VPS53: variants seen among roughly 807,000 people sequenced by gnomAD.
The protein encoded by VPS53 is VPS53 subunit of GARP complex, also known as vacuolar protein sorting-associated protein 53 homolog.
A neutral mutation model predicts 107.0 loss-of-function variants in VPS53; 70 were observed. The observed-to-expected ratio is 0.65, with a 90% CI of 0.54 to 0.80. VPS53 has a LOEUF of 0.80. Ranked by LOEUF, VPS53 falls within the 30% of genes least tolerant of loss-of-function variation. VPS53 has a pLI of 0.00. For synonymous variants in VPS53, 409 were observed against 393.3 expected (o/e 1.04, Z -0.47); for missense variants, 917 against 1,049.4 (o/e 0.87, Z 1.74).
intron 4 of VPS53, among the ~76,000 whole-genome samples, chr17:695,533 T>C (rs556898132): frequency 1.3e-5 from 2 of 151,868 alleles, no homozygotes; most frequent in African/African-American, 2.4e-5. Flanking sequence ...GAATTTTGAA[T>C]GCCAAGCAAA....
intron 19 of VPS53, 196 bp downstream of exon 19, chr17:532,646 A>G (rs1005528576): frequency 1.4e-4 from 199 of 1,372,770 alleles, no homozygotes; most frequent in Non-Finnish European, 1.4e-4. Flanking sequence ...CCCAGAACTT[A>G]GTAGGCGTTC....
chr17:714,615 A>ACTTC lies in VPS53; in HGVS notation c.87+7_87+8insGAAG. On this transcript the variant is annotated splice_region_variant and intron_variant, in intron 1 of 21. Coordinates refer to ENST00000437048, the MANE Select transcript of VPS53 (RefSeq NM_001128159.3). ...CCCGTTTCCCCTCCTGAGGGGCGGA[A>ACTTC]CGCTTACCTGCTCGATGGCCAGCTG... is the stretch of plus-strand genomic sequence containing the variant. The ACTTC allele has an allele frequency of 6.2e-7, 1 of 1,609,128 alleles. No individual in the cohort carries two copies.
chr17:548,978 G>C (rs77831670), intron 17 of VPS53, among the ~76,000 whole-genome samples: 139 of 152,232 alleles, frequency 9.1e-4, no homozygotes, highest in African/African-American at 3.3e-3. Flanking sequence ...GGTGTATTTT[G>C]TACTTTTCTT....
chr17:660,196 GA>G (rs1417200929), intron 5 of VPS53, among the ~76,000 whole-genome samples: 1 of 152,198 alleles, frequency 6.6e-6, no homozygotes, highest in Non-Finnish European at 1.5e-5. Context: ...ATGCATCCTA[GA>G]ACAAGTTTCT....
intron 13 of VPS53, among the ~76,000 whole-genome samples, chr17:577,429 G>A (rs934395158): frequency 2.7e-4 from 40 of 150,354 alleles, no homozygotes; most frequent in African/African-American, 9.6e-4. Context: ...AGAACCTAAT[G>A]CGTTCCCAGA....
At chr17:620,105 G>T (rs1009312343) in intron 11 of VPS53, among the ~76,000 whole-genome samples, 1 of 152,188 alleles carries the variant, frequency 6.6e-6, no homozygotes, top group African/African-American at 2.4e-5. Flanking sequence ...AAGCAGAGAA[G>T]TATACATATT....
rs1164544666 is a variant in VPS53, at chr17:660,814, C to T, written c.372+995G>A. The stretch of plus-strand genomic sequence containing the variant: ...TAATTCTCACAACAACCCTGTGAGG[C>T]AAATGCCATTATTCTTATTTTACAG... On this transcript the variant is annotated intron_variant, in intron 5 of 21. Coordinates refer to ENST00000437048, the MANE Select transcript of VPS53 (RefSeq NM_001128159.3). Among the ~76,000 whole-genome samples the T allele has an allele frequency of 2.0e-5, 3 of 152,188 alleles. No homozygotes were observed. In the East Asian group the frequency reaches 5.8e-4, roughly 29 times the overall value.
At position 623,537 on chromosome 17, in the gene VPS53, G is replaced by T; in HGVS notation, c.1112C>A (p.Thr371Asn). Residue 371 changes from threonine (T) to asparagine (N), a missense_variant, in exon 11 of 22, where the codon ACC becomes AAC. Thr to Asn is a moderately conservative substitution (Grantham distance 65). Coordinates refer to ENST00000437048, the MANE Select transcript of VPS53 (RefSeq NM_001128159.3). ...GCTCCCTAGGGAAGGTCTTACCAGG[G>T]TCCCATCGGTCAGGGTGCAGCCGGA... ...RFSGCTLTDG[T>N]LKKLESPPPS... The T allele has an allele frequency of 6.2e-7, 1 of 1,611,840 alleles. No homozygotes were observed. Among genetic ancestry groups the T allele is most frequent in the Middle Eastern group, 1.7e-4 (1 of 6,052 alleles).
At chr17:697,216 G>T (rs1973004702) in intron 4 of VPS53, among the ~76,000 whole-genome samples, 1 of 152,206 alleles carries the variant, frequency 6.6e-6, no homozygotes. Context: ...CGGGTGAGCG[G>T]TGCCACAGTT....
rs908736732 is a variant in VPS53, at chr17:669,906, GA to G, written c.286-8012del. Among the ~76,000 whole-genome samples, 159 of 150,320 alleles carry G rather than the reference GA, an allele frequency of 1.1e-3. 2 individuals carry two copies. The highest frequency in any genetic ancestry group is 3.5e-3 in the African/African-American group (142 of 41,044). The stretch of plus-strand genomic sequence containing the variant: ...ACTCCATCTAAAAAAAAAAAAAGAA[GA>G]AAAAAAAGTAATAATAAAAAAATTA... On this transcript the variant is annotated intron_variant, in intron 4 of 21. Coordinates refer to ENST00000437048, the MANE Select transcript of VPS53 (RefSeq NM_001128159.3).
chr17:693,413 A>G (rs1972841050), intron 4 of VPS53, among the ~76,000 whole-genome samples: 1 of 152,164 alleles, frequency 6.6e-6, no homozygotes, highest in Non-Finnish European at 1.5e-5. Flanking sequence ...CTTGGAATGT[A>G]TCCCCCACAG....
intron 4 of VPS53, among the ~76,000 whole-genome samples, chr17:683,956 AAC>A (rs1374465146): frequency 3.9e-5 from 6 of 152,232 alleles, no homozygotes; most frequent in Non-Finnish European, 8.8e-5. Flanking sequence ...AATACGTAAA[AAC>A]AAGATGTGGG....
At chr17:675,780 A>AAAAAAAAAAAAAAAAAAAAAAAAAAAAAC (rs1972135341) in intron 4 of VPS53, 1 of 151,734 alleles carries the variant, frequency 6.6e-6, no homozygotes, top group Admixed American at 6.6e-5. Context: ...AAAAAAAAAA[A>AAAAAAAAAAAAAAAAAAAAAAAAAAAAAC]AAAAAAAAAC....
At chr17:660,073 T>C (rs1281896386) in intron 5 of VPS53, among the ~76,000 whole-genome samples, 9 of 152,248 alleles carry the variant, frequency 5.9e-5, no homozygotes, top group Middle Eastern at 6.8e-3. Flanking sequence ...ATGCCCATAG[T>C]TGATTTGCCT....
intron 4 of VPS53, chr17:674,248 C>CTT (rs1261441259): frequency 1.3e-5 from 2 of 152,204 alleles, no homozygotes; most frequent in Admixed American, 1.3e-4. Flanking sequence ...CCAAGTTTAA[C>CTT]AAAGGACTAC....
chr17:620,243 C>T (rs1969411647), intron 11 of VPS53, among the ~76,000 whole-genome samples: 1 of 152,230 alleles, frequency 6.6e-6, no homozygotes, highest in African/African-American at 2.4e-5. Context: ...CTGCCACCAC[C>T]GCTCTGCAGT....
At position 509,213 on chromosome 17, in the gene VPS53, C is replaced by G. The variant is rs370637442; in HGVS notation, c.*9915G>C. 6.6e-6 allele frequency: 1 copy of G among 151,614 alleles called. No individual in the cohort carries two copies. The highest frequency in any genetic ancestry group is 2.0e-4 in the South Asian group (1 of 4,932). The allele number at this position is 151,614 out of a possible 1,614,324, so 9.4% of individuals were successfully genotyped here. Reference sequence around the variant, plus strand: ...TCCTGCCTCACCCCCTTACTAGTCACATATCAAATCCTGGCTCACTCGTCA... The same window carrying G: ...TCCTGCCTCACCCCCTTACTAGTCAGATATCAAATCCTGGCTCACTCGTCA... On this transcript the variant is annotated 3_prime_UTR_variant, in exon 22 of 22. Transcript: ENST00000437048.
intron 13 of VPS53, among the ~76,000 whole-genome samples, chr17:582,417 T>C (rs1967075671): frequency 7.0e-6 from 1 of 141,894 alleles, no homozygotes; most frequent in Non-Finnish European, 1.5e-5. Flanking sequence ...AGGACCTCAA[T>C]GCGTTCCCAC....
At chr17:599,904 C>G (rs1968247595) in intron 12 of VPS53, 1 of 152,276 alleles carries the variant, frequency 6.6e-6, no homozygotes, top group African/African-American at 2.4e-5. Flanking sequence ...TTAGCTCTCA[C>G]TAAAGACAAG....
Sources: gnomAD v4.1 joint callset for allele counts (sites outside exome capture counted in the v4.1 genomes callset) on GRCh38, gnomAD v4.1.1 for gene constraint, MANE v1.5 for transcripts, NCBI Gene and HGNC (gene_info 2026-07-23, HGNC 2026-07-21) for gene names.